Variants in TKFC observed in about 807,000 individuals in gnomAD.
The protein encoded by TKFC is triokinase and FMN cyclase, also known as triokinase/FMN cyclase.
A neutral mutation model predicts 61.0 loss-of-function variants in TKFC; 46 were observed. The ratio of observed to expected loss-of-function variants is 0.75; its 90% CI spans 0.60 to 0.96. TKFC has a LOEUF of 0.96. Among genes scored for constraint, TKFC ranks in the 50% least tolerant of loss-of-function variants. The probability of loss-of-function intolerance (pLI) is 0.00; values close to 1 mark genes in which losing one functional copy is unlikely to be tolerated. For synonymous variants in TKFC, 314 were observed against 330.1 expected (o/e 0.95, Z 0.53); for missense variants, 715 against 777.5 (o/e 0.92, Z 0.96).
chr11:61,350,868 AGTTACTTGGTTTCCTGCT>A (rs1206100011), downstream of TKFC: 5 of 1,399,506 alleles, frequency 3.6e-6, no homozygotes, highest in South Asian at 7.6e-5. Flanking sequence ...TCCACCCTCA[AGTTACTTGGTTTCCTGCT>A]GTGCCACAGG....
At position 61,341,496 on chromosome 11, in the gene TKFC, G is replaced by A. The variant is rs759062597; in HGVS notation, c.547G>A (p.Val183Met). 3.5e-5 allele frequency: 54 copies of A among 1,555,546 alleles called. 1 individual carries two copies. The South Asian group carries it at 3.8e-4, about 11-fold the overall frequency. The change falls in exon 6 of 18, where the codon GTG becomes ATG. Residue 183 changes from valine (V) to methionine (M), a missense_variant. Transcript: ENST00000394900. Reference protein sequence around the residue: ...GLEEIAKQVNVVAKAMGTLGV... With the variant: ...GLEEIAKQVNMVAKAMGTLGV... ...GGAGGAGATCGCAAAGCAGGTGAACGTGGTCGCCAAGGCCATGGGTGAGTG... is the reference window on the plus strand; with the variant it reads ...GGAGGAGATCGCAAAGCAGGTGAACATGGTCGCCAAGGCCATGGGTGAGTG...
Position 61,339,137 on chromosome 11 carries a change from A to G in TKFC, c.265A>G (p.Ile89Val), listed in dbSNP as rs1856742697. Residue 89 changes from isoleucine to valine, a missense_variant, in exon 4 of 18, where the codon ATC becomes GTC. Ile to Val is a conservative substitution (Grantham distance 29). Coordinates refer to ENST00000394900, the MANE Select transcript of TKFC (RefSeq NM_015533.4). The stretch of plus-strand genomic sequence containing the variant: ...GTTCACCTCCCCGGCAGTGGGCAGC[A>G]TCCTGGCAGCCATCAGGGCCGTGGC... ...AVFTSPAVGS[I>V]LAAIRAVAQA... The G allele has an allele frequency of 1.9e-6, 3 of 1,613,794 alleles. No homozygotes were observed. The highest frequency in any genetic ancestry group is 1.7e-4 in the Middle Eastern group (1 of 6,034).
rs1857284195 is a variant in TKFC, at chr11:61,349,221, C to T, written c.*2718C>T. 1 of 308,236 alleles carries T rather than the reference C, an allele frequency of 3.2e-6. No individual in the cohort carries two copies. Among genetic ancestry groups the T allele is most frequent in the Non-Finnish European group, 6.4e-6 (1 of 155,488 alleles). 19.1% of individuals were successfully genotyped at this position (308,236 alleles called of 1,614,324 possible). A position where few individuals can be genotyped will look rare whatever the true frequency, so the allele number is the denominator to read the frequency against. On this transcript the variant is annotated 3_prime_UTR_variant, in exon 18 of 18. Coordinates refer to ENST00000394900, the MANE Select transcript of TKFC (RefSeq NM_015533.4). ...CCCTGAAGAAGAGCAACAGCTCAAG[C>T]TCTAGCATGGCACAGAACGCTAGGT...
chr11:61,339,398 G>C lies in TKFC; in HGVS notation c.449G>C (p.Gly150Ala), dbSNP rs199709993. The change falls in exon 5 of 18, where the codon GGC becomes GCC. Residue 150 changes from glycine to alanine, a missense_variant. Coordinates refer to ENST00000394900, the MANE Select transcript of TKFC (RefSeq NM_015533.4). Reference protein sequence around the residue: ...DSAFTVLKKAGRRGLCGTVLI... With the variant: ...DSAFTVLKKAARRGLCGTVLI... ...GCCTTCACTGTCCTGAAGAAGGCAG[G>C]CCGGCGGGGGCTGTGCGGCACGGTG... 2.5e-6 allele frequency: 4 copies of C among 1,613,134 alleles called. No homozygotes were observed. In the Admixed American group the frequency reaches 6.7e-5, roughly 27 times the overall value.
rs748735115 is a variant in TKFC, at chr11:61,338,137, A to T, written c.193+7A>T. On this transcript the variant is annotated splice_region_variant and intron_variant, in intron 3 of 17. Coordinates refer to ENST00000394900, the MANE Select transcript of TKFC (RefSeq NM_015533.4). ...CATGAGCCTGCCCATGCTGGTGAGT[A>T]TCCTGGGGTGGGGCAGGGGGTACTA... The T allele has an allele frequency of 3.8e-6, 6 of 1,575,072 alleles. No individual in the cohort carries two copies. The highest frequency in any genetic ancestry group is 5.1e-6 in the Non-Finnish European group (6 of 1,165,980).
rs770693680 is a variant in TKFC at position 61,343,909 on chromosome 11, G to T, written c.1036G>T (p.Gly346Trp). The change falls in exon 12 of 18, where the codon GGG becomes TGG. Residue 346 changes from glycine to tryptophan, a missense_variant. Gly to Trp is a radical substitution (Grantham distance 184). Transcript: ENST00000394900. ...WPNVAAVSITGRKRSRVAPAE... is the reference protein window; with the variant it reads ...WPNVAAVSITWRKRSRVAPAE... ...TAACGTGGCTGCAGTCTCCATTACT[G>T]GGCGGAAGCGGAGCCGGGTAGCCCC... is the stretch of plus-strand genomic sequence containing the variant. The T allele has an allele frequency of 1.2e-6, 2 of 1,611,086 alleles. No individual in the cohort carries two copies. Among genetic ancestry groups the T allele is most frequent in the Non-Finnish European group, 1.7e-6 (2 of 1,179,992 alleles).
chr11:61,335,927 T>G (rs1299176666), intron 2 of TKFC: 1 of 152,320 alleles, frequency 6.6e-6, no homozygotes, highest in Non-Finnish European at 1.5e-5. Flanking sequence ...CCCGAGTAGC[T>G]GGAATTACAG....
At chr11:61,334,811 T>C in intron 2 of TKFC, 80 bp downstream of exon 2, 1 of 1,603,184 alleles carries the variant, frequency 6.2e-7, no homozygotes, top group Non-Finnish European at 8.5e-7. Flanking sequence ...TAAAGCTCCT[T>C]ACACTTTGAC....
chr11:61,344,124 C>T lies in TKFC; in HGVS notation c.1103-12C>T, dbSNP rs79670445. On this transcript the variant is annotated splice_polypyrimidine_tract_variant and intron_variant, in intron 12 of 17. Coordinates refer to ENST00000394900, the MANE Select transcript of TKFC (RefSeq NM_015533.4). ...CCTGGTGGGCCTGTTCTTCAGCATC[C>T]TCCCTTTCTAGGCTCAGCCTCGAAG... 7,952 of 1,611,740 alleles carry T rather than the reference C, an allele frequency of 4.9e-3. 35 individuals carry two copies. Among genetic ancestry groups the T allele is most frequent in the Non-Finnish European group, 6.0e-3 (7,025 of 1,179,834 alleles).
chr11:61,339,772 ACCT>A (rs1856779606), intron 5 of TKFC, among the ~76,000 whole-genome samples: 1 of 151,716 alleles, frequency 6.6e-6, no homozygotes. Context: ...GGCTGCAGCC[ACCT>A]CCTCACTGGG....
chr11:61,345,121 A>T, intron 13 of TKFC, 139 bp from the exon 14 acceptor site: 1 of 723,204 alleles, frequency 1.4e-6, no homozygotes, highest in Non-Finnish European at 2.2e-6. Context: ...CAGACTGCAC[A>T]CTGGATGTGG....
chr11:61,337,608 CAGA>C (rs1449761030), intron 2 of TKFC, among the ~76,000 whole-genome samples: 1 of 152,208 alleles, frequency 6.6e-6, no homozygotes, highest in Non-Finnish European at 1.5e-5. Flanking sequence ...TTCCTTTTGA[CAGA>C]AGAAGGTGTT....
Position 61,339,448 on chromosome 11 carries a change from C to A in TKFC, c.486+13C>A. 1 of 1,596,776 alleles carries A rather than the reference C, an allele frequency of 6.3e-7. No individual in the cohort carries two copies. On this transcript the variant is annotated intron_variant, in intron 5 of 17. Transcript: ENST00000394900. Reference sequence around the variant, plus strand: ...GCTTATACACAAGGTGGGCTTCCACCGGGGACGTGGAGACTGGCCAGCCCT... The same window carrying A: ...GCTTATACACAAGGTGGGCTTCCACAGGGGACGTGGAGACTGGCCAGCCCT...
chr11:61,351,376 G>A (rs1240678630), downstream of TKFC: 6 of 340,046 alleles, frequency 1.8e-5, no homozygotes, highest in South Asian at 9.1e-5. Context: ...TGCAAGCTCC[G>A]CCTCCTGGGT....
At chr11:61,337,856 G>A in intron 2 of TKFC, 85 bp from the exon 3 acceptor site, 2 of 1,356,290 alleles carry the variant, frequency 1.5e-6, no homozygotes, top group Non-Finnish European at 1.0e-6. Context: ...CGGGAGAGGG[G>A]TCTACACCAC....
downstream of TKFC, chr11:61,353,232 G>A: frequency 6.9e-7 from 1 of 1,449,486 alleles, no homozygotes; most frequent in African/African-American, 1.4e-5. Flanking sequence ...TCTGCTCCCT[G>A]GCTCTTCTTT....
downstream of TKFC, chr11:61,350,086 C>T (rs1857325877): frequency 1.8e-6 from 1 of 548,444 alleles, no homozygotes; most frequent in Non-Finnish European, 3.3e-6. Flanking sequence ...AAGCCAAAGC[C>T]ACCAAGGAAA....
intron 3 of TKFC, 70 bp from the exon 4 acceptor site, chr11:61,338,996 T>C (rs996338804): frequency 3.7e-6 from 5 of 1,348,698 alleles, no homozygotes; most frequent in East Asian, 4.7e-5. Flanking sequence ...ACCCCCGGAG[T>C]GTGGGAAGCC....
rs780114599 is a variant in TKFC, at chr11:61,339,158, G to T, written c.286G>T (p.Val96Leu). The change falls in exon 4 of 18, where the codon GTG becomes TTG. Residue 96 changes from valine to leucine, a missense_variant. By Grantham distance (32) the Val-to-Leu change is conservative (BLOSUM62 1). Coordinates refer to ENST00000394900, the MANE Select transcript of TKFC (RefSeq NM_015533.4). ...CAGCATCCTGGCAGCCATCAGGGCC[G>T]TGGCCCAGGCCGGCACAGGTAAGCC... is the stretch of plus-strand genomic sequence containing the variant. ...VGSILAAIRAVAQAGTVGTLL... is the reference protein window; with the variant it reads ...VGSILAAIRALAQAGTVGTLL... The T allele has an allele frequency of 6.2e-7, 1 of 1,613,558 alleles. No homozygotes were observed. Among genetic ancestry groups the T allele is most frequent in the Non-Finnish European group, 8.5e-7 (1 of 1,179,942 alleles).
Sources: allele counts gnomAD v4.1 joint callset (sites outside exome capture counted in the v4.1 genomes callset), GRCh38; gene constraint gnomAD v4.1.1; transcripts MANE v1.5; gene names NCBI Gene and HGNC (gene_info 2026-07-23, HGNC 2026-07-21).